Variants in UCHL3 observed in about 807,000 individuals in gnomAD.
UCHL3 encodes the protein ubiquitin carboxyl-terminal hydrolase isozyme L3.
UCHL3 carries 22 observed loss-of-function variants against 35.8 expected under a neutral mutation model. The ratio of observed to expected loss-of-function variants is 0.61; its 90% CI spans 0.44 to 0.88. The LOEUF is 0.88. Ranked by LOEUF, UCHL3 falls within the 40% of genes least tolerant of loss-of-function variation. The pLI is 0.00. For missense variants in UCHL3, 229 were observed against 276.9 expected (o/e 0.83, Z 1.23); for synonymous variants, 90 against 92.8 (o/e 0.97, Z 0.17).
intron 2 of UCHL3, among the ~76,000 whole-genome samples, chr13:75,551,441 A>G (rs2031104890): frequency 6.6e-6 from 1 of 152,114 alleles, no homozygotes; most frequent in East Asian, 1.9e-4. Flanking sequence ...AAAAAAAAAA[A>G]AAAAAGACAC....
intron 6 of UCHL3, among the ~76,000 whole-genome samples, chr13:75,588,760 T>G (rs900425119): frequency 6.6e-6 from 1 of 152,122 alleles, no homozygotes; most frequent in African/African-American, 2.4e-5. Flanking sequence ...GTTGTTACGG[T>G]TAGCAAAATC....
intron 4 of UCHL3, 34 bp from the exon 5 acceptor site, chr13:75,567,193 G>A: frequency 6.3e-7 from 1 of 1,587,620 alleles, no homozygotes; most frequent in Non-Finnish European, 8.6e-7. Context: ...GCTGTATCAA[G>A]CCTTTTTAAT....
At chr13:75,560,647 G>A (rs1289968469) in intron 2 of UCHL3, 106 bp from the exon 3 acceptor site, 7 of 1,062,530 alleles carry the variant, frequency 6.6e-6, no homozygotes, top group African/African-American at 1.7e-5. Flanking sequence ...TAGATACAGA[G>A]TACATATTTG....
intron 5 of UCHL3, 183 bp from the exon 6 acceptor site, chr13:75,569,277 A>G (rs2031779623): frequency 2.1e-6 from 1 of 476,490 alleles, no homozygotes; most frequent in Admixed American, 4.0e-5. Context: ...GTTACACAGT[A>G]CAGCAATTCA....
At chr13:75,592,293 C>T (rs985589473) in intron 6 of UCHL3, among the ~76,000 whole-genome samples, 1 of 149,518 alleles carries the variant, frequency 6.7e-6, no homozygotes, top group African/African-American at 2.5e-5. Flanking sequence ...AGAGTAGGAT[C>T]CTTATCAGTA....
chr13:75,573,619 G>T (rs1420950918), intron 6 of UCHL3, among the ~76,000 whole-genome samples: 3 of 152,142 alleles, frequency 2.0e-5, no homozygotes, highest in Non-Finnish European at 4.4e-5. Flanking sequence ...AGGGGGTGTG[G>T]AGAGAGACGG....
intron 6 of UCHL3, among the ~76,000 whole-genome samples, chr13:75,584,252 G>A (rs1217560027): frequency 6.6e-6 from 1 of 152,088 alleles, no homozygotes; most frequent in Non-Finnish European, 1.5e-5. Flanking sequence ...CATTAGACTA[G>A]CAAGCACCAA....
At chr13:75,590,516 C>G (rs2032453223) in intron 6 of UCHL3, among the ~76,000 whole-genome samples, 1 of 152,142 alleles carries the variant, frequency 6.6e-6, no homozygotes, top group South Asian at 2.1e-4. Context: ...TCTTTGCCAT[C>G]TATTACTTTA....
intron 2 of UCHL3, among the ~76,000 whole-genome samples, chr13:75,558,764 G>A (rs907664799): frequency 2.6e-5 from 4 of 152,144 alleles, no homozygotes; most frequent in African/African-American, 9.7e-5. Flanking sequence ...TACCTTGGGT[G>A]TCTGTGATTC....
At chr13:75,570,717 T>C (rs1241095437) in intron 6 of UCHL3, among the ~76,000 whole-genome samples, 1 of 152,220 alleles carries the variant, frequency 6.6e-6, no homozygotes, top group Non-Finnish European at 1.5e-5. Flanking sequence ...GAGACCATCC[T>C]GGGCAACATA....
chr13:75,560,903 A>G, intron 3 of UCHL3, 22 bp downstream of exon 3: 1 of 1,490,396 alleles, frequency 6.7e-7, no homozygotes, highest in Non-Finnish European at 8.9e-7. Flanking sequence ...GTAAAATAGA[A>G]AGTTTCTGGT....
chr13:75,568,071 T>C (rs1476336063), intron 5 of UCHL3, among the ~76,000 whole-genome samples: 1 of 152,148 alleles, frequency 6.6e-6, no homozygotes, highest in Admixed American at 6.5e-5. Flanking sequence ...GCTATATATA[T>C]AATATAGGTT....
intron 2 of UCHL3, among the ~76,000 whole-genome samples, chr13:75,559,502 C>G (rs1486279715): frequency 6.6e-6 from 1 of 152,134 alleles, no homozygotes; most frequent in Admixed American, 6.6e-5. Context: ...AGTAGATTAT[C>G]TTCTACAAGC....
At chr13:75,568,180 T>C (rs1249636948) in intron 5 of UCHL3, among the ~76,000 whole-genome samples, 1 of 152,174 alleles carries the variant, frequency 6.6e-6, no homozygotes, top group East Asian at 1.9e-4. Context: ...TCTTTTGAAA[T>C]CTTTTGACCT....
chr13:75,557,039 G>A (rs1193890873), intron 2 of UCHL3, among the ~76,000 whole-genome samples: 2 of 152,066 alleles, frequency 1.3e-5, no homozygotes, highest in African/African-American at 4.8e-5. Flanking sequence ...AACATAGTGA[G>A]ACGTCTCTAC....
chr13:75,559,103 A>C (rs1045338926), intron 2 of UCHL3, among the ~76,000 whole-genome samples: 1 of 126,740 alleles, frequency 7.9e-6, no homozygotes. Flanking sequence ...GCAGTGGCGC[A>C]ATCTCTGCTC....
At chr13:75,570,535 C>T (rs377282246) in intron 6 of UCHL3, among the ~76,000 whole-genome samples, 2 of 151,914 alleles carry the variant, frequency 1.3e-5, no homozygotes, top group Admixed American at 6.6e-5. Context: ...CTCGCCCAGC[C>T]GAAACCACAC....
chr13:75,589,409 A>G (rs1342566256), intron 6 of UCHL3, among the ~76,000 whole-genome samples: 1 of 152,168 alleles, frequency 6.6e-6, no homozygotes, highest in Non-Finnish European at 1.5e-5. Context: ...CTGTCAGCCT[A>G]AGTAGGAGGA....
At chr13:75,562,668 T>A (rs536787361) in intron 3 of UCHL3, among the ~76,000 whole-genome samples, 1 of 152,292 alleles carries the variant, frequency 6.6e-6, no homozygotes, top group Non-Finnish European at 1.5e-5. Flanking sequence ...AAATTAGATT[T>A]GATCTCTTTC....
Sources: gnomAD v4.1 joint callset for allele counts (sites outside exome capture counted in the v4.1 genomes callset) on GRCh38, gnomAD v4.1.1 for gene constraint, MANE v1.5 for transcripts, NCBI Gene and HGNC (gene_info 2026-07-23, HGNC 2026-07-21) for gene names.